The following PTPRT variants were observed in gnomAD, a reference collection of about 807,000 sequenced individuals.
PTPRT encodes protein tyrosine phosphatase receptor type T, also known as receptor-type tyrosine-protein phosphatase T.
A neutral mutation model predicts 176.8 loss-of-function variants in PTPRT; 56 were observed. The observed-to-expected ratio is 0.32, with a 90% CI of 0.26 to 0.40. The LOEUF (loss-of-function observed/expected upper bound fraction) is 0.40. Ranked by LOEUF, PTPRT falls within the 10% of genes least tolerant of loss-of-function variation. PTPRT has a pLI of 1.00. For synonymous variants in PTPRT, 783 were observed against 739.0 expected (o/e 1.06, Z -0.96); for missense variants, 1,540 against 1,908.2 (o/e 0.81, Z 3.60).
chr20:42,045,795 CT>C, the PTPRT span, among the ~76,000 whole-genome samples: 1 of 152,080 alleles, frequency 6.6e-6, no homozygotes, highest in East Asian at 1.9e-4. Context: ...TCCCTTTCTC[CT>C]TTTTTTCCCA....
chr20:42,514,740 G>T (rs1255074387), intron 7 of PTPRT, among the ~76,000 whole-genome samples: 1 of 152,156 alleles, frequency 6.6e-6, no homozygotes, highest in Non-Finnish European at 1.5e-5. Flanking sequence ...ATCAAAAATT[G>T]ATTCTGTGCA....
chr20:42,883,743 C>CCCATACACACACACCCAT (rs1482435425), intron 2 of PTPRT, among the ~76,000 whole-genome samples: 5 of 3,646 alleles, frequency 1.4e-3, no homozygotes, highest in South Asian at 0.023. Context: ...CATACACTCT[C>CCCATACACACACACCCAT]ACACATACCC....
intron 1 of PTPRT, among the ~76,000 whole-genome samples, chr20:43,127,219 G>A (rs375342770): frequency 2.0e-5 from 3 of 152,074 alleles, no homozygotes; most frequent in East Asian, 3.9e-4. Flanking sequence ...GTCAGGAGAT[G>A]GAGACCATCC....
chr20:42,580,677 G>T (rs2073354728), intron 7 of PTPRT, among the ~76,000 whole-genome samples: 1 of 152,102 alleles, frequency 6.6e-6, no homozygotes, highest in Non-Finnish European at 1.5e-5. Flanking sequence ...TTGTGAATGG[G>T]AATTCACTCA....
intron 1 of PTPRT, among the ~76,000 whole-genome samples, chr20:42,994,845 T>C (rs1194451417): frequency 6.6e-6 from 1 of 152,242 alleles, no homozygotes; most frequent in African/African-American, 2.4e-5. Flanking sequence ...AGAAACATCC[T>C]ACAGCATTTG....
chr20:42,874,563 C>T (rs187907012), intron 2 of PTPRT, among the ~76,000 whole-genome samples: 7 of 152,258 alleles, frequency 4.6e-5, no homozygotes, highest in South Asian at 2.1e-4. Flanking sequence ...TTTAAAATCA[C>T]GTTTCATAAA....
chr20:42,986,998 C>T (rs938604253), intron 1 of PTPRT, among the ~76,000 whole-genome samples: 2 of 152,154 alleles, frequency 1.3e-5, no homozygotes, highest in Admixed American at 1.3e-4. Context: ...CACTGACTCC[C>T]GCTTCAGCGG....
intron 1 of PTPRT, among the ~76,000 whole-genome samples, chr20:43,174,394 G>A (rs2015077668): frequency 6.6e-6 from 1 of 152,174 alleles, no homozygotes; most frequent in African/African-American, 2.4e-5. Context: ...CCCATTACAA[G>A]TATTTAAAGC....
intron 7 of PTPRT, among the ~76,000 whole-genome samples, chr20:42,601,293 C>A (rs755771395): frequency 6.6e-6 from 1 of 152,196 alleles, no homozygotes; most frequent in Non-Finnish European, 1.5e-5. Flanking sequence ...TGCACCATCA[C>A]CCCTTTCATT....
rs984315164 is a variant in PTPRT at position 42,254,657 on chromosome 20, C to T, written c.2177-5835G>A. The stretch of plus-strand genomic sequence containing the variant: ...GTAGATTAGGAATCAACACAGGAAA[C>T]GTTTGAATGTGGAAGAGCTAATCAG... On this transcript the variant is annotated intron_variant, in intron 13 of 30. Coordinates refer to ENST00000373187, the MANE Select transcript of PTPRT (RefSeq NM_007050.6). 8.5e-5 allele frequency among the ~76,000 whole-genome samples: 13 copies of T among 152,238 alleles called. No homozygotes were observed. The East Asian group carries it at 1.9e-3, about 23-fold the overall frequency.
At chr20:43,030,088 TC>T (rs1308433474) in intron 1 of PTPRT, among the ~76,000 whole-genome samples, 1 of 152,264 alleles carries the variant, frequency 6.6e-6, no homozygotes, top group Admixed American at 6.5e-5. Context: ...TAAAATATCT[TC>T]TTCCTTTTTC....
chr20:42,402,483 T>TAAAAAA (rs3061921), intron 9 of PTPRT, among the ~76,000 whole-genome samples: 4 of 95,150 alleles, frequency 4.2e-5, no homozygotes, highest in East Asian at 3.1e-4. Flanking sequence ...ATAGTGCAGT[T>TAAAAAA]AAAAAAAAAA....
At chr20:42,689,740 C>T (rs34284543) in intron 6 of PTPRT, among the ~76,000 whole-genome samples, 15,953 of 151,968 alleles carry the variant, frequency 0.1, 971 homozygotes, top group African/African-American at 0.15. Flanking sequence ...GCAGGAGAGT[C>T]GGAGAGAGCG....
intron 15 of PTPRT, among the ~76,000 whole-genome samples, chr20:42,201,253 T>C (rs1398950345): frequency 6.6e-6 from 1 of 152,078 alleles, no homozygotes; most frequent in African/African-American, 2.4e-5. Context: ...TGAGCCGAGA[T>C]CACGCCTCTG....
At chr20:43,015,723 A>C (rs1019842235) in intron 1 of PTPRT, among the ~76,000 whole-genome samples, 1 of 151,784 alleles carries the variant, frequency 6.6e-6, no homozygotes, top group Admixed American at 6.6e-5. Flanking sequence ...CTTACAAATG[A>C]CTCTGGGCAA....
chr20:42,500,224 G>A (rs901439733), intron 7 of PTPRT, among the ~76,000 whole-genome samples: 6 of 151,850 alleles, frequency 4.0e-5, no homozygotes, highest in South Asian at 2.1e-4. Flanking sequence ...AGAAGTACAC[G>A]CATCTCTGAA....
intron 1 of PTPRT, among the ~76,000 whole-genome samples, chr20:43,185,567 T>C (rs1259001273): frequency 6.6e-6 from 1 of 152,202 alleles, no homozygotes; most frequent in Non-Finnish European, 1.5e-5. Flanking sequence ...ACTAGTGTCA[T>C]CTGTTGGCAA....
chr20:42,454,893 C>T (rs1353251190), intron 8 of PTPRT, among the ~76,000 whole-genome samples: 1 of 152,144 alleles, frequency 6.6e-6, no homozygotes, highest in Admixed American at 6.6e-5. Flanking sequence ...GCTGTGGGAG[C>T]CAACTTGTTC....
chr20:42,728,717 C>CG (rs750389127), intron 6 of PTPRT, among the ~76,000 whole-genome samples: 20 of 152,160 alleles, frequency 1.3e-4, no homozygotes, highest in Non-Finnish European at 2.6e-4. Context: ...ACAATGACCA[C>CG]GGGCCCATGC....
Sources: gnomAD v4.1 joint callset for allele counts (sites outside exome capture counted in the v4.1 genomes callset) on GRCh38, gnomAD v4.1.1 for gene constraint, MANE v1.5 for transcripts, NCBI Gene and HGNC (gene_info 2026-07-23, HGNC 2026-07-21) for gene names.